The following ABCA8 variants were observed in gnomAD, a reference collection of about 807,000 sequenced individuals.
ABCA8 encodes ABC-type organic anion transporter ABCA8.
In ABCA8, 177 loss-of-function variants were observed where a neutral mutation model predicts 192.3. That is an observed-to-expected ratio of 0.92 (90% CI 0.81 to 1.04). The LOEUF is 1.04. Among genes scored for constraint, ABCA8 ranks in the 50% least tolerant of loss-of-function variants. The pLI, the probability that ABCA8 is intolerant of heterozygous loss-of-function variation, is 0.00. For synonymous variants in ABCA8, 642 were observed against 690.2 expected, an observed-to-expected ratio of 0.93 and a Z score of 1.09; for missense variants, 1,915 against 1,904.8, an observed-to-expected ratio of 1.01 and a Z score of -0.10.
chr17:68,951,750 A>G (rs1166576875), intron 1 of ABCA8, among the ~76,000 whole-genome samples: 1 of 148,514 alleles, frequency 6.7e-6, no homozygotes, highest in African/African-American at 2.6e-5. Context: ...ATATTTGCCT[A>G]ATGTATCTGT....
At chr17:68,945,178 C>T (rs1402732481) in intron 2 of ABCA8, among the ~76,000 whole-genome samples, 2 of 152,116 alleles carry the variant, frequency 1.3e-5, no homozygotes, top group African/African-American at 4.8e-5. Flanking sequence ...TTTGCAGCTT[C>T]TCAGAGCCAA....
At chr17:68,943,140 C>T (rs1441771638) in intron 2 of ABCA8, among the ~76,000 whole-genome samples, 2 of 152,018 alleles carry the variant, frequency 1.3e-5, no homozygotes, top group African/African-American at 4.8e-5. Context: ...GAACTTTTTA[C>T]TATCTTTCTT....
At position 68,887,226 on chromosome 17, in the gene ABCA8, G is replaced by C. The variant is rs113231105; in HGVS notation, c.3316-96C>G. On this transcript the variant is annotated intron_variant, in intron 25 of 39. Transcript: ENST00000586539. ...CATTGTCATAGCCCAGGATTTTATAGTTCTTTAATTTATGACCATATAAAT... is the reference window on the plus strand; with the variant it reads ...CATTGTCATAGCCCAGGATTTTATACTTCTTTAATTTATGACCATATAAAT... 5,665 of 1,346,446 alleles carry C rather than the reference G, an allele frequency of 4.2e-3. 138 individuals are homozygous for C. The African/African-American group carries it at 0.058, about 14-fold the overall frequency. 83.4% of individuals were successfully genotyped at this position (1,346,446 alleles called of 1,614,324 possible). A position where few individuals can be genotyped will look rare whatever the true frequency, so the allele number is the denominator to read the frequency against.
intron 1 of ABCA8, among the ~76,000 whole-genome samples, chr17:68,951,938 C>T (rs867306014): frequency 1.4e-4 from 21 of 152,328 alleles, no homozygotes; most frequent in African/African-American, 2.2e-4. Context: ...CTTATTCTCA[C>T]GTTAAACCTA....
At chr17:68,887,991 C>T (rs1474557434) in intron 24 of ABCA8, among the ~76,000 whole-genome samples, 1 of 136,926 alleles carries the variant, frequency 7.3e-6, no homozygotes, top group African/African-American at 2.7e-5. Context: ...GATATATACA[C>T]ACACACACAT....
At position 68,875,297 on chromosome 17, in the gene ABCA8, T is replaced by A; in HGVS notation, c.4594A>T (p.Ile1532Phe). The A allele has an allele frequency of 1.2e-6, 2 of 1,614,098 alleles. No individual in the cohort carries two copies. Among genetic ancestry groups the A allele is most frequent in the Non-Finnish European group, 1.7e-6 (2 of 1,180,036 alleles). ...GCAGCCTGGGGGAAAAGCCTCAGGA[T>A]CTCTGCATGGAGGGGCTCCACTTGT... The part of the protein sequence containing the change: ...LAQVEPLHAE[I>F]LRLFPQAARQ... The change falls in exon 37 of 40, where the codon ATC (isoleucine) becomes TTC (phenylalanine). Residue 1532 changes from isoleucine to phenylalanine, a missense_variant. Transcript: ENST00000586539.
chr17:68,907,445 A>C (rs1247656495), intron 18 of ABCA8, among the ~76,000 whole-genome samples: 1 of 151,992 alleles, frequency 6.6e-6, no homozygotes, highest in Non-Finnish European at 1.5e-5. Context: ...AGAGGTTTTC[A>C]ACCATTTGGG....
In ABCA8 at chr17:68,869,864, T is replaced by C; in HGVS notation, c.4632-85A>G. 4 of 954,744 alleles carry C rather than the reference T, an allele frequency of 4.2e-6. No individual in the cohort carries two copies. In the South Asian group the frequency reaches 5.8e-5, roughly 14 times the overall value. 59.1% of individuals were successfully genotyped at this position (954,744 alleles called of 1,614,324 possible). On this transcript the variant is annotated intron_variant, in intron 37 of 39. Transcript: ENST00000586539. ...CAATCATCTCTCTGGTCTTTTTTTTTCTTTTAAAAAATGGTGTTAGGAACA... is the reference window on the plus strand; with the variant it reads ...CAATCATCTCTCTGGTCTTTTTTTTCCTTTTAAAAAATGGTGTTAGGAACA...
chr17:68,938,901 A>T (rs1396295435), intron 4 of ABCA8, among the ~76,000 whole-genome samples: 1 of 152,146 alleles, frequency 6.6e-6, no homozygotes, highest in Admixed American at 6.6e-5. Flanking sequence ...AAACAGAATA[A>T]CTAACTTCTT....
rs1394569772 is a variant in ABCA8 at position 68,887,434 on chromosome 17, C to G, written c.3217G>C (p.Asp1073His). The G allele has an allele frequency of 6.2e-7, 1 of 1,613,674 alleles. No homozygotes were observed. The highest frequency in any genetic ancestry group is 1.3e-5 in the African/African-American group (1 of 74,868). ...SAYWFGQALV[D>H]VSLYFLVFVF... ...AAGACCAAGAAGTACAGGGAAACAT[C>G]CACCAGCGCCTGCCCAAACCAGTAA... Residue 1073 changes from aspartate (D) to histidine (H), a missense_variant, in exon 25 of 40, where the codon GAT becomes CAT. By Grantham distance (81) the Asp-to-His change is moderately conservative. Transcript: ENST00000586539.
chr17:68,880,934 T>C, intron 32 of ABCA8, 186 bp downstream of exon 32: 2 of 601,178 alleles, frequency 3.3e-6, no homozygotes. Context: ...AAGGATTCTG[T>C]GACAACCTTT....
chr17:68,879,425 T>G (rs2143274980), intron 32 of ABCA8: 1 of 152,378 alleles, frequency 6.6e-6, no homozygotes, highest in East Asian at 1.9e-4. Context: ...CATTCTCTCT[T>G]AATGCCTTTA....
chr17:68,933,314 T>A (rs2067963686), intron 5 of ABCA8, 43 bp from the exon 6 acceptor site: 2 of 1,247,276 alleles, frequency 1.6e-6, no homozygotes, highest in African/African-American at 1.5e-5. Context: ...CATCACTATC[T>A]ATATTATTGA....
intron 30 of ABCA8, among the ~76,000 whole-genome samples, chr17:68,882,238 C>G (rs2066353682): frequency 6.6e-6 from 1 of 152,124 alleles, no homozygotes; most frequent in Non-Finnish European, 1.5e-5. Flanking sequence ...CCTTTCAGAT[C>G]AAACGGGGGC....
intron 1 of ABCA8, among the ~76,000 whole-genome samples, chr17:68,953,679 A>G (rs2068633755): frequency 6.6e-6 from 1 of 152,198 alleles, no homozygotes; most frequent in African/African-American, 2.4e-5. Context: ...CAGAAAATTC[A>G]GCATGGATAC....
chr17:68,919,440 A>G lies in ABCA8; in HGVS notation c.1649T>C (p.Met550Thr), dbSNP rs1355999421. Residue 550 changes from methionine to threonine, a missense_variant, in exon 14 of 40, where the codon ATG (methionine) becomes ACG (threonine). By Grantham distance (81) the Met-to-Thr change is moderately conservative. Transcript: ENST00000586539. ...VTIYNNKLSE[M>T]ADLENLSKLT... ...CTTGCTGAGATTTTCTAGGTCAGCCATTTCTGAAAGCTTATTGTTATAGAT... is the reference window on the plus strand; with the variant it reads ...CTTGCTGAGATTTTCTAGGTCAGCCGTTTCTGAAAGCTTATTGTTATAGAT... 6.2e-7 allele frequency: 1 copy of G among 1,614,090 alleles called. No homozygotes were observed. The highest frequency in any genetic ancestry group is 8.5e-7 in the Non-Finnish European group (1 of 1,179,986).
chr17:68,876,763 A>T, intron 33 of ABCA8, 60 bp from the exon 34 acceptor site: 4 of 1,605,422 alleles, frequency 2.5e-6, no homozygotes, highest in Non-Finnish European at 3.4e-6. Flanking sequence ...TAAGAGGATA[A>T]CCCAAGCAAG....
In ABCA8 at chr17:68,903,591, G is replaced by C. The variant is rs768423789; in HGVS notation, c.2399-92C>G. The stretch of plus-strand genomic sequence containing the variant: ...AAGCATCTCATGATTAGACTCTTCC[G>C]CGTTACTATAGGTATAACGTGGTTT... On this transcript the variant is annotated intron_variant, in intron 19 of 39. Transcript: ENST00000586539. The C allele has an allele frequency of 2.5e-6, 3 of 1,178,664 alleles. No homozygotes were observed. The East Asian group carries it at 7.2e-5, about 28-fold the overall frequency. The allele number at this position is 1,178,664 out of a possible 1,614,324, so 73.0% of individuals were successfully genotyped here.
chr17:68,952,002 A>T (rs2068579954), intron 1 of ABCA8, among the ~76,000 whole-genome samples: 1 of 152,086 alleles, frequency 6.6e-6, no homozygotes, highest in African/African-American at 2.4e-5. Context: ...TGAATTGAAA[A>T]TGTTTTCCTC....
Sources: allele counts gnomAD v4.1 joint callset (sites outside exome capture counted in the v4.1 genomes callset), GRCh38; gene constraint gnomAD v4.1.1; transcripts MANE v1.5; gene names NCBI Gene and HGNC (gene_info 2026-07-23, HGNC 2026-07-21).